The following ADGRB3 variants were observed in gnomAD, a reference collection of about 807,000 sequenced individuals.
The protein encoded by ADGRB3 is brain-specific angiogenesis inhibitor 3.
Under a neutral mutation model 193.4 loss-of-function variants are expected in ADGRB3, and 37 were observed. That is an observed-to-expected ratio of 0.19 (90% confidence interval 0.15 to 0.25). The LOEUF (loss-of-function observed/expected upper bound fraction) is 0.25. Ranked by LOEUF, ADGRB3 falls within the 10% of genes least tolerant of loss-of-function variation. The pLI, the probability that ADGRB3 is intolerant of heterozygous loss-of-function variation, is 1.00. For synonymous variants in ADGRB3, 690 were observed against 644.2 expected (o/e 1.07, Z -1.08); for missense variants, 1,637 against 1,852.9 (o/e 0.88, Z 2.14).
chr6:68,848,118 T>C (rs937931008), intron 3 of ADGRB3, among the ~76,000 whole-genome samples: 6 of 151,850 alleles, frequency 4.0e-5, no homozygotes, highest in Non-Finnish European at 8.8e-5. Context: ...ATAAAAACAG[T>C]TTATAATTTT....
chr6:68,999,543 C>T (rs1216340851), intron 11 of ADGRB3, among the ~76,000 whole-genome samples: 2 of 152,146 alleles, frequency 1.3e-5, no homozygotes, highest in African/African-American at 2.4e-5. Context: ...GGATTACAGG[C>T]GTGAGCCACT....
intron 13 of ADGRB3, among the ~76,000 whole-genome samples, chr6:69,040,353 C>CTTTCTTTCTTTCT (rs1771005570): frequency 1.8e-5 from 1 of 56,162 alleles, no homozygotes; most frequent in African/African-American, 5.5e-5. Context: ...TTCTTTCTTT[C>CTTTCTTTCTTTCT]TTTCTTTCTT....
At chr6:69,061,129 A>G (rs1362020494) in intron 15 of ADGRB3, among the ~76,000 whole-genome samples, 1 of 151,906 alleles carries the variant, frequency 6.6e-6, no homozygotes, top group Non-Finnish European at 1.5e-5. Flanking sequence ...TCCTCTTAAC[A>G]AAAACAAAAT....
At chr6:69,080,940 T>C (rs1192137363) in intron 17 of ADGRB3, among the ~76,000 whole-genome samples, 4 of 152,052 alleles carry the variant, frequency 2.6e-5, no homozygotes, top group Non-Finnish European at 5.9e-5. Context: ...ATGTGCAGTC[T>C]GTATGTCCAA....
intron 8 of ADGRB3, among the ~76,000 whole-genome samples, chr6:68,967,326 G>C (rs949459743): frequency 6.6e-6 from 1 of 152,114 alleles, no homozygotes; most frequent in Admixed American, 6.6e-5. Context: ...ATAAAATTCA[G>C]TAATAGAAAG....
intron 8 of ADGRB3, among the ~76,000 whole-genome samples, chr6:68,961,045 T>C (rs1481134032): frequency 6.6e-6 from 1 of 152,178 alleles, no homozygotes; most frequent in Non-Finnish European, 1.5e-5. Context: ...TTTTTCATCC[T>C]TTTTCATAAA....
chr6:68,782,246 G>A (rs763181388), intron 3 of ADGRB3, among the ~76,000 whole-genome samples: 1 of 150,762 alleles, frequency 6.6e-6, no homozygotes, highest in Non-Finnish European at 1.5e-5. Flanking sequence ...CCTTGTGATA[G>A]TTTGCTGAGA....
rs561436491 is a variant in ADGRB3 at position 68,884,241 on chromosome 6, A to G, written c.758-46318A>G. Among the ~76,000 whole-genome samples, 5 of 152,340 alleles carry G rather than the reference A, an allele frequency of 3.3e-5. No homozygotes were observed. The South Asian group carries it at 8.3e-4, about 25-fold the overall frequency. ...TGAGCACTTCGTTCATGTAAGGCAC[A>G]GTGCCAGGCACGGGGATGTGTCAGG... On this transcript the variant is annotated intron_variant, in intron 3 of 31. Coordinates refer to ENST00000370598, the MANE Select transcript of ADGRB3 (RefSeq NM_001704.3).
intron 3 of ADGRB3, among the ~76,000 whole-genome samples, chr6:68,861,331 T>G (rs1241229309): frequency 6.6e-6 from 1 of 152,094 alleles, no homozygotes; most frequent in South Asian, 2.1e-4. Flanking sequence ...CCCAGCACTT[T>G]GGGAGGCCGA....
intron 17 of ADGRB3, among the ~76,000 whole-genome samples, chr6:69,182,479 G>A (rs1393207209): frequency 6.6e-6 from 1 of 151,386 alleles, no homozygotes; most frequent in African/African-American, 2.4e-5. Flanking sequence ...ACCTAGAGCT[G>A]CATTGGATTC....
chr6:69,020,837 A>G (rs767802589), intron 13 of ADGRB3, among the ~76,000 whole-genome samples: 2 of 152,050 alleles, frequency 1.3e-5, no homozygotes, highest in Non-Finnish European at 2.9e-5. Flanking sequence ...CATAGTATTC[A>G]GGAGTTTTCC....
At chr6:69,005,207 G>A (rs987673840) in intron 11 of ADGRB3, among the ~76,000 whole-genome samples, 5 of 151,698 alleles carry the variant, frequency 3.3e-5, no homozygotes, top group Admixed American at 2.6e-4. Context: ...TTTAAAAGGG[G>A]ACTGTAGGCA....
chr6:69,340,513 T>TATAA, intron 26 of ADGRB3, among the ~76,000 whole-genome samples: 2 of 152,286 alleles, frequency 1.3e-5, no homozygotes, highest in East Asian at 3.9e-4. Flanking sequence ...AAAACACATG[T>TATAA]ACGTATGAGT....
chr6:69,155,892 G>C (rs924104116), intron 17 of ADGRB3, among the ~76,000 whole-genome samples: 3 of 151,910 alleles, frequency 2.0e-5, no homozygotes, highest in African/African-American at 7.3e-5. Context: ...TTTAAAAGGC[G>C]AACAAAAATT....
chr6:68,669,648 GTGTA>G (rs1300051050), intron 3 of ADGRB3, among the ~76,000 whole-genome samples: 1,812 of 126,736 alleles, frequency 0.014, 46 homozygotes, highest in African/African-American at 0.051. Flanking sequence ...GTGTGTGTGT[GTGTA>G]TACCAAATTT....
At chr6:69,188,526 C>T (rs549542064) in intron 17 of ADGRB3, among the ~76,000 whole-genome samples, 7 of 152,250 alleles carry the variant, frequency 4.6e-5, no homozygotes, top group Non-Finnish European at 7.4e-5. Context: ...TCAGGCTGGT[C>T]GTGAACTCCT....
intron 3 of ADGRB3, among the ~76,000 whole-genome samples, chr6:68,854,892 C>A (rs1764935844): frequency 6.6e-6 from 1 of 152,156 alleles, no homozygotes; most frequent in African/African-American, 2.4e-5. Flanking sequence ...CTCTGGGATG[C>A]TGGCCAAAGA....
chr6:69,354,173 T>A, intron 26 of ADGRB3, 60 bp from the exon 27 acceptor site: 1 of 1,232,736 alleles, frequency 8.1e-7, no homozygotes, highest in Non-Finnish European at 1.2e-6. Flanking sequence ...ATTGCCAAGA[T>A]AGACAGTATC....
chr6:68,798,433 A>C (rs1277129924), intron 3 of ADGRB3, among the ~76,000 whole-genome samples: 1 of 150,770 alleles, frequency 6.6e-6, no homozygotes, highest in Non-Finnish European at 1.5e-5. Context: ...CACATTTAAA[A>C]CGTAAAGCTG....
Sources: gnomAD v4.1 joint callset for allele counts (sites outside exome capture counted in the v4.1 genomes callset) on GRCh38, gnomAD v4.1.1 for gene constraint, MANE v1.5 for transcripts, NCBI Gene and HGNC (gene_info 2026-07-23, HGNC 2026-07-21) for gene names.